The following RNF180 variants were observed in gnomAD, a reference collection of about 807,000 sequenced individuals.
RNF180 encodes the protein ring finger protein 180.
In RNF180, 38 loss-of-function variants were observed where a neutral mutation model predicts 59.2. The observed-to-expected ratio is 0.64, with a 90% CI of 0.50 to 0.84. The LOEUF is 0.84. RNF180 is among the 40% of genes least tolerant of loss of function. The pLI is 0.00. For missense variants in RNF180, 705 were observed against 700.9 expected (o/e 1.01, Z -0.07); for synonymous variants, 262 against 240.3 (o/e 1.09, Z -0.84).
intron 2 of RNF180, among the ~76,000 whole-genome samples, chr5:64,204,770 C>T (rs1340895598): frequency 6.6e-6 from 1 of 152,090 alleles, no homozygotes; most frequent in African/African-American, 2.4e-5. Flanking sequence ...CTACTGAATA[C>T]CAAAGTTAGG....
chr5:64,254,490 C>G (rs1743805393), intron 5 of RNF180, among the ~76,000 whole-genome samples: 1 of 152,012 alleles, frequency 6.6e-6, no homozygotes, highest in Non-Finnish European at 1.5e-5. Context: ...TTGCAACATG[C>G]TTTTTATAGA....
chr5:64,355,650 T>G (rs1745988998), intron 7 of RNF180, among the ~76,000 whole-genome samples: 1 of 151,874 alleles, frequency 6.6e-6, no homozygotes, highest in Admixed American at 6.6e-5. Context: ...CAAAACTTAC[T>G]ACAAAGCTAC....
chr5:64,188,390 A>G (rs778949555), intron 1 of RNF180, among the ~76,000 whole-genome samples: 42 of 152,242 alleles, frequency 2.8e-4, no homozygotes, highest in South Asian at 8.3e-4. Flanking sequence ...CAAATACATT[A>G]TGGTTCTCGT....
chr5:64,207,102 C>T (rs144742773), intron 2 of RNF180, among the ~76,000 whole-genome samples: 1 of 151,420 alleles, frequency 6.6e-6, no homozygotes, highest in Non-Finnish European at 1.5e-5. Context: ...TAAATGTATT[C>T]TAATTATATT....
chr5:64,299,059 C>T (rs997102853), intron 5 of RNF180, among the ~76,000 whole-genome samples: 2 of 151,906 alleles, frequency 1.3e-5, no homozygotes, highest in African/African-American at 4.8e-5. Context: ...CAACTATAAA[C>T]AGAATTAGTG....
At chr5:64,248,854 C>G (rs1392674608) in intron 5 of RNF180, among the ~76,000 whole-genome samples, 1 of 152,168 alleles carries the variant, frequency 6.6e-6, no homozygotes, top group Non-Finnish European at 1.5e-5. Flanking sequence ...GGAACCAACC[C>G]AAATACCCTT....
intron 5 of RNF180, among the ~76,000 whole-genome samples, chr5:64,244,312 T>G (rs967518787): frequency 6.6e-6 from 1 of 151,784 alleles, no homozygotes; most frequent in Non-Finnish European, 1.5e-5. Flanking sequence ...AGGAGCATAT[T>G]CTAACCCAAC....
upstream of RNF180, among the ~76,000 whole-genome samples, chr5:64,165,383 A>C (rs939104320): frequency 2.0e-5 from 3 of 152,192 alleles, no homozygotes; most frequent in African/African-American, 7.2e-5. Flanking sequence ...ACAAGAAGGT[A>C]AGCAACGAAG....
chr5:64,198,909 G>A (rs1751589105), intron 1 of RNF180, among the ~76,000 whole-genome samples: 1 of 151,772 alleles, frequency 6.6e-6, no homozygotes, highest in Non-Finnish European at 1.5e-5. Context: ...TCTGTCTCCC[G>A]AGTTCAAGCA....
At chr5:64,271,221 A>G (rs1741377029) in intron 5 of RNF180, among the ~76,000 whole-genome samples, 1 of 152,126 alleles carries the variant, frequency 6.6e-6, no homozygotes, top group African/African-American at 2.4e-5. Context: ...CACAAAGTGT[A>G]CATTGTATGA....
At chr5:64,226,429 A>G (rs1419554479) in intron 5 of RNF180, among the ~76,000 whole-genome samples, 1 of 152,206 alleles carries the variant, frequency 6.6e-6, no homozygotes, top group African/African-American at 2.4e-5. Context: ...AGGGCGGTGC[A>G]AGATGTGCTT....
chr5:64,293,034 C>T (rs1368837641), intron 5 of RNF180, among the ~76,000 whole-genome samples: 1 of 152,214 alleles, frequency 6.6e-6, no homozygotes, highest in Non-Finnish European at 1.5e-5. Context: ...CCTCCTCACC[C>T]TGTCTACTCT....
intron 5 of RNF180, among the ~76,000 whole-genome samples, chr5:64,314,655 C>G (rs1743946767): frequency 6.6e-6 from 1 of 152,018 alleles, no homozygotes; most frequent in Non-Finnish European, 1.5e-5. Context: ...TTTATGCATT[C>G]ATATAAAGAT....
chr5:64,255,214 A>T (rs1247809324), intron 5 of RNF180, among the ~76,000 whole-genome samples: 1 of 151,802 alleles, frequency 6.6e-6, no homozygotes, highest in Non-Finnish European at 1.5e-5. Flanking sequence ...TTTTTTTATT[A>T]TTATTATACT....
intron 1 of RNF180, among the ~76,000 whole-genome samples, chr5:64,187,449 C>G (rs1321790257): frequency 1.3e-5 from 2 of 152,214 alleles, no homozygotes; most frequent in Admixed American, 1.3e-4. Flanking sequence ...TATGCAGAAC[C>G]ATTTAAACTA....
chr5:64,298,649 C>A (rs559535708), intron 5 of RNF180, among the ~76,000 whole-genome samples: 58 of 152,008 alleles, frequency 3.8e-4, no homozygotes, highest in African/African-American at 1.4e-3. Context: ...AACTCTTAGA[C>A]AAATTTAAAT....
At chr5:64,325,059 C>T in intron 5 of RNF180, 127 bp from the exon 6 acceptor site, 1 of 611,172 alleles carries the variant, frequency 1.6e-6, no homozygotes, top group Non-Finnish European at 2.9e-6. Context: ...GCATTTCTGG[C>T]ACTTTGAATA....
At position 64,371,787 on chromosome 5, in the gene RNF180, A is replaced by G. The variant is rs1440653595; in HGVS notation, c.*1973A>G. The stretch of plus-strand genomic sequence containing the variant: ...TCTTTAAAATATTCTTAAATTTTGT[A>G]AAAGTGGAGATAAAAACTGCTAAAT... On this transcript the variant is annotated 3_prime_UTR_variant, in exon 8 of 8. Coordinates refer to ENST00000389100, the MANE Select transcript of RNF180 (RefSeq NM_001113561.2). 1.3e-5 allele frequency: 2 copies of G among 151,682 alleles called. No homozygotes were observed. The highest frequency in any genetic ancestry group is 6.6e-5 in the Admixed American group (1 of 15,178). The allele number at this position is 151,682 out of a possible 1,614,324, so 9.4% of individuals were successfully genotyped here. A position where few individuals can be genotyped will look rare whatever the true frequency, so the allele number is the denominator to read the frequency against.
intron 2 of RNF180, among the ~76,000 whole-genome samples, chr5:64,208,867 A>G (rs751784915): frequency 6.6e-6 from 1 of 151,974 alleles, no homozygotes; most frequent in Non-Finnish European, 1.5e-5. Flanking sequence ...TTTTTCTCAA[A>G]TGAAGGAGGT....
Sources: allele counts gnomAD v4.1 joint callset (sites outside exome capture counted in the v4.1 genomes callset), GRCh38; gene constraint gnomAD v4.1.1; transcripts MANE v1.5; gene names NCBI Gene and HGNC (gene_info 2026-07-23, HGNC 2026-07-21).